The following DNMT1 variants were observed in gnomAD, a reference collection of about 807,000 sequenced individuals.
The protein encoded by DNMT1 is DNA methyltransferase 1.
Under a neutral mutation model 205.3 loss-of-function variants are expected in DNMT1, and 24 were observed. The ratio of observed to expected loss-of-function variants is 0.12; its 90% CI spans 0.08 to 0.16. DNMT1 has a LOEUF of 0.16. DNMT1 is among the 10% of genes least tolerant of loss of function. The pLI is 1.00. For missense variants in DNMT1, 1,293 were observed against 2,177.7 expected, an observed-to-expected ratio of 0.59 and a Z score of 8.09; for synonymous variants, 817 against 839.8, an observed-to-expected ratio of 0.97 and a Z score of 0.47.
In DNMT1 at chr19:10,184,921, G is replaced by A. The variant is rs148408582; in HGVS notation, c.81-2844C>T. Among the ~76,000 whole-genome samples the A allele has an allele frequency of 8.2e-3, 1,252 of 152,330 alleles. 10 individuals carry two copies. Among genetic ancestry groups the A allele is most frequent in the Non-Finnish European group, 0.013 (851 of 68,032 alleles). ...GCTCCTCCAGGCTGGCCTTCCTAGA[G>A]GGTAAGTGCAGGCAGCAGCATGAGG... is the stretch of plus-strand genomic sequence containing the variant. On this transcript the variant is annotated intron_variant, in intron 1 of 40. Coordinates refer to ENST00000359526, the MANE Select transcript of DNMT1 (RefSeq NM_001130823.3).
rs1181209213 is a variant in DNMT1, at chr19:10,156,475, C to T, written c.1315G>A (p.Asp439Asn). The T allele has an allele frequency of 6.2e-7, 1 of 1,613,316 alleles. No homozygotes were observed. Among genetic ancestry groups the T allele is most frequent in the African/African-American group, 1.3e-5 (1 of 74,952 alleles). Reference sequence around the variant, plus strand: ...ATATTCTTCTCGATGAGGCCGGTGTCGATGGGACACAGGTGACCGTGCTTA... The same window carrying T: ...ATATTCTTCTCGATGAGGCCGGTGTTGATGGGACACAGGTGACCGTGCTTA... Reference protein sequence around the residue: ...YCKHGHLCPIDTGLIEKNIEL... With the variant: ...YCKHGHLCPINTGLIEKNIEL... The change falls in exon 18 of 41, where the codon GAC (aspartate) becomes AAC (asparagine). Residue 439 changes from aspartate (D) to asparagine (N), a missense_variant. Transcript: ENST00000359526. This position sits in a 1 kb window ranked among gnomAD's most constrained non-coding sequence, Gnocchi z 4.2.
chr19:10,151,672 T>C lies in DNMT1; in HGVS notation c.2117+78A>G. ...AGGAATCCTGGTGCTGTCCCACACA[T>C]GCAGGCCCTTCTCCACAGTGCATCT... is the stretch of plus-strand genomic sequence containing the variant. On this transcript the variant is annotated intron_variant, in intron 23 of 40. Transcript: ENST00000359526. This position sits in a 1 kb window ranked among gnomAD's most constrained non-coding sequence, Gnocchi z 5.0. 3 of 1,606,706 alleles carry C rather than the reference T, an allele frequency of 1.9e-6. No individual in the cohort carries two copies. Among genetic ancestry groups the C allele is most frequent in the Non-Finnish European group, 2.6e-6 (3 of 1,174,038 alleles).
In DNMT1 at chr19:10,140,021, C is replaced by T; in HGVS notation, c.3806+25G>A. ...GGCACAGCCCCGGGCCGTCTGGCAA[C>T]ACTGGGGGGCTTCTACCCGTTTACC... On this transcript the variant is annotated intron_variant, in intron 33 of 40. Transcript: ENST00000359526. The surrounding 1 kb of genome is among the most constrained non-coding windows in gnomAD (Gnocchi z 8.4). 1 of 1,604,720 alleles carries T rather than the reference C, an allele frequency of 6.2e-7. No individual in the cohort carries two copies. The highest frequency in any genetic ancestry group is 8.5e-7 in the Non-Finnish European group (1 of 1,179,994).
chr19:10,134,362 G>T, intron 39 of DNMT1, 55 bp from the exon 40 acceptor site: 2 of 1,555,448 alleles, frequency 1.3e-6, no homozygotes, highest in Non-Finnish European at 1.8e-6. Flanking sequence ...CCAAGGCCCG[G>T]GGGCAGGTGT....
intron 17 of DNMT1, among the ~76,000 whole-genome samples, chr19:10,158,292 G>C (rs1416408714): frequency 6.6e-6 from 1 of 152,164 alleles, no homozygotes; most frequent in Non-Finnish European, 1.5e-5. Context: ...GCCTCGGGGG[G>C]CTAGCGGTTG....
chr19:10,179,194 GAATA>G (rs1376065908), intron 5 of DNMT1, among the ~76,000 whole-genome samples: 7 of 150,948 alleles, frequency 4.6e-5, no homozygotes, highest in African/African-American at 1.7e-4. Flanking sequence ...AAGAGTCTGA[GAATA>G]AATGTTTAAC....
At chr19:10,167,199 C>CTT (rs369910549) in intron 10 of DNMT1, among the ~76,000 whole-genome samples, 36 of 147,398 alleles carry the variant, frequency 2.4e-4, no homozygotes, top group Admixed American at 5.5e-4. Flanking sequence ...TTCTTTTTTC[C>CTT]TTTTTTTTTT....
chr19:10,191,634 C>G (rs999211993), intron 1 of DNMT1, among the ~76,000 whole-genome samples: 2 of 152,080 alleles, frequency 1.3e-5, no homozygotes, highest in African/African-American at 4.8e-5. Context: ...CTTTGGCAAG[C>G]AGCAGACCTT....
chr19:10,194,627 G>T, intron 1 of DNMT1, 193 bp downstream of exon 1: 1 of 658,182 alleles, frequency 1.5e-6, no homozygotes, highest in Non-Finnish European at 2.4e-6. Flanking sequence ...GGTCCATTTT[G>T]GCGCCAAACA....
intron 1 of DNMT1, among the ~76,000 whole-genome samples, chr19:10,186,542 T>C (rs1800639903): frequency 6.6e-6 from 1 of 151,752 alleles, no homozygotes; most frequent in East Asian, 1.9e-4. Context: ...GGAGATAAGA[T>C]ATATATAAAC....
At chr19:10,134,967 T>C (rs774173109) in intron 39 of DNMT1, among the ~76,000 whole-genome samples, 1 of 151,222 alleles carries the variant, frequency 6.6e-6, no homozygotes, top group Non-Finnish European at 1.5e-5. Context: ...ATCCCAGCAC[T>C]TTGGGAGGCC....
chr19:10,165,744 C>A (rs529321210), intron 11 of DNMT1, among the ~76,000 whole-genome samples: 1 of 152,248 alleles, frequency 6.6e-6, no homozygotes, highest in East Asian at 1.9e-4. Context: ...TGAGCTCAGG[C>A]CCCTGCCAGT....
At chr19:10,167,672 A>G (rs146237014) in intron 10 of DNMT1, among the ~76,000 whole-genome samples, 1 of 152,330 alleles carries the variant, frequency 6.6e-6, no homozygotes, top group East Asian at 1.9e-4. Flanking sequence ...GCTGTAGACA[A>G]GTGAGCTTGA....
In DNMT1 at chr19:10,142,151, G is replaced by A. The variant is rs138736029; in HGVS notation, c.3186C>T (p.Asp1062=). Residue 1062 remains aspartate (D), a synonymous_variant, in exon 30 of 41, where the codon GAC becomes GAT. Coordinates refer to ENST00000359526, the MANE Select transcript of DNMT1 (RefSeq NM_001130823.3). ...HADINLLYWS[D]EEAVVDFKAV... ...CCTTGAAGTCCACCACGGCCTCCTCGTCGCTCCAGTAGAGCAGGTTGATGT... is the reference window on the plus strand; with the variant it reads ...CCTTGAAGTCCACCACGGCCTCCTCATCGCTCCAGTAGAGCAGGTTGATGT... The A allele has an allele frequency of 2.5e-5, 40 of 1,614,056 alleles. No individual in the cohort carries two copies. In the East Asian group the frequency reaches 6.0e-4, roughly 24 times the overall value.
intron 3 of DNMT1, 79 bp downstream of exon 3, chr19:10,180,699 C>G: frequency 6.6e-7 from 1 of 1,513,540 alleles, no homozygotes; most frequent in Non-Finnish European, 9.2e-7. Flanking sequence ...AGCTGGGGAT[C>G]TTGCTGCCTC....
At chr19:10,170,212 G>T (rs189946057) in intron 9 of DNMT1, among the ~76,000 whole-genome samples, 65 of 152,156 alleles carry the variant, frequency 4.3e-4, no homozygotes, top group Admixed American at 9.2e-4. Flanking sequence ...TGGAACCCAG[G>T]GGGTGGAGGT....
At chr19:10,173,991 A>C in intron 7 of DNMT1, 86 bp from the exon 8 acceptor site, 1 of 1,310,324 alleles carries the variant, frequency 7.6e-7, no homozygotes, top group Non-Finnish European at 1.1e-6. Context: ...TGAAATATTA[A>C]CACATTTGAC....
At chr19:10,190,287 G>A (rs1182904323) in intron 1 of DNMT1, among the ~76,000 whole-genome samples, 2 of 152,274 alleles carry the variant, frequency 1.3e-5, no homozygotes, top group Non-Finnish European at 1.5e-5. Context: ...TGGCATGCAA[G>A]CATTTGAGTC....
Position 10,137,681 on chromosome 19 carries a change from G to C in DNMT1, c.4293+151C>G, listed in dbSNP as rs2089516382. Reference sequence around the variant, plus strand: ...TGACACTTCCCATGACCATGCAAGAGAGACCAGGGGTCACACAAAGGCTGA... The same window carrying C: ...TGACACTTCCCATGACCATGCAAGACAGACCAGGGGTCACACAAAGGCTGA... On this transcript the variant is annotated intron_variant, in intron 36 of 40. Coordinates refer to ENST00000359526, the MANE Select transcript of DNMT1 (RefSeq NM_001130823.3). This position sits in a 1 kb window ranked among gnomAD's most constrained non-coding sequence, Gnocchi z 6.4. 9.0e-7 allele frequency: 1 copy of C among 1,111,576 alleles called. No individual in the cohort carries two copies. The highest frequency in any genetic ancestry group is 1.3e-6 in the Non-Finnish European group (1 of 761,998). The allele number at this position is 1,111,576 out of a possible 1,614,324, so 68.9% of individuals were successfully genotyped here. A position where few individuals can be genotyped will look rare whatever the true frequency, so the allele number is the denominator to read the frequency against.
Sources: allele counts gnomAD v4.1 joint callset (sites outside exome capture counted in the v4.1 genomes callset), GRCh38; gene constraint gnomAD v4.1.1; non-coding constraint Gnocchi (gnomAD v3.1); transcripts MANE v1.5; gene names NCBI Gene and HGNC (gene_info 2026-07-23, HGNC 2026-07-21).